The following PRH1 variants were observed in gnomAD, a reference collection of about 807,000 sequenced individuals.
The protein encoded by PRH1 is salivary acidic proline-rich phosphoprotein 1/2.
PRH1 carries 7 observed loss-of-function variants against 7.9 expected under a neutral mutation model. The ratio of observed to expected loss-of-function variants is 0.89; its 90% CI spans 0.50 to 1.67. The LOEUF (loss-of-function observed/expected upper bound fraction) is 1.67, where lower values mean the gene tolerates loss of function less well. Among genes scored for constraint, PRH1 ranks in the 40% most tolerant of loss-of-function variants. The probability of loss-of-function intolerance (pLI) is 0.00; values close to 1 mark genes in which losing one functional copy is unlikely to be tolerated. For missense variants in PRH1, 109 were observed against 223.6 expected, an observed-to-expected ratio of 0.49 and a Z score of 3.27; for synonymous variants, 45 against 80.8, an observed-to-expected ratio of 0.56 and a Z score of 2.38.
chr12:11,047,712 C>T (rs1942959091), upstream of PRH1, among the ~76,000 whole-genome samples: 2 of 143,478 alleles, frequency 1.4e-5, no homozygotes, highest in Non-Finnish European at 3.1e-5. Context: ...TATACACATA[C>T]AAAATTTACT....
chr12:11,140,538 T>C (rs117587748), intron 1 of PRH1, among the ~76,000 whole-genome samples: 3,423 of 152,226 alleles, frequency 0.022, 57 homozygotes, highest in Non-Finnish European at 0.036. Flanking sequence ...AAAGAGGAAA[T>C]CATCTCAATA....
rs71051557 is a variant in PRH1 at position 11,042,623 on chromosome 12, C to CTTTTTTTTTTTTTTTTTTTTTTTTTT, written c.-126+4396_-126+4397insAAAAAAAAAAAAAAAAAAAAAAAAAA. Among the ~76,000 whole-genome samples the CTTTTTTTTTTTTTTTTTTTTTTTTTT allele has an allele frequency of 1.1e-4, 9 of 79,312 alleles. 1 individual carries two copies. Among genetic ancestry groups the CTTTTTTTTTTTTTTTTTTTTTTTTTT allele is most frequent in the African/African-American group, 1.6e-4 (3 of 18,908 alleles). 52.0% of individuals were successfully genotyped at this position (79,312 alleles called of 152,430 possible). A position where few individuals can be genotyped will look rare whatever the true frequency, so the allele number is the denominator to read the frequency against. On this transcript the variant is annotated intron_variant, in intron 1 of 3. Coordinates refer to the PRH1 transcript ENST00000539853. ...AAGAGGGACTACTTCCAGGCTCATT[C>CTTTTTTTTTTTTTTTTTTTTTTTTTT]TTTTTTTTTTTTTTTTTTTTTTTTG... is the stretch of plus-strand genomic sequence containing the variant.
intron 1 of PRH1, among the ~76,000 whole-genome samples, chr12:11,160,053 T>C (rs891316041): frequency 6.6e-6 from 1 of 152,206 alleles, no homozygotes; most frequent in Non-Finnish European, 1.5e-5. Flanking sequence ...AAGTCGAGTA[T>C]GTAAACATGC....
chr12:10,964,940 A>C (rs1041257512), intron 2 of PRH1: 1 of 611,398 alleles, frequency 1.6e-6, no homozygotes, highest in African/African-American at 1.9e-5. Context: ...AACCAAAAAT[A>C]ACAAAGACCC....
At chr12:10,930,703 G>A (rs774818644) in intron 2 of PRH1, 1 of 1,613,690 alleles carries the variant, frequency 6.2e-7, no homozygotes, top group Non-Finnish European at 8.5e-7. Context: ...GGAGCGTCAG[G>A]GACCACCTTT....
intron 1 of PRH1, among the ~76,000 whole-genome samples, chr12:11,136,735 A>G (rs1396752349): frequency 6.6e-6 from 1 of 152,154 alleles, no homozygotes; most frequent in Non-Finnish European, 1.5e-5. Context: ...TATTTTCAAT[A>G]AGTCTCTTTA....
At position 11,022,322 on chromosome 12, in the gene PRH1, C is replaced by T. The variant is rs769247689; in HGVS notation, c.-126+24698G>A. 3.8e-6 allele frequency: 6 copies of T among 1,582,670 alleles called. No individual in the cohort carries two copies. In the African/African-American group the frequency reaches 7.2e-5, roughly 19 times the overall value. On this transcript the variant is annotated intron_variant, in intron 1 of 3. Coordinates refer to the PRH1 transcript ENST00000539853. ...TTCGTTACAGCCCAGGCATTAGAAG[C>T]AACAATTCTTACTTCTAAACCATAT...
intron 1 of PRH1, among the ~76,000 whole-genome samples, chr12:11,019,831 T>G (rs1209326930): frequency 6.6e-6 from 1 of 152,292 alleles, no homozygotes; most frequent in Non-Finnish European, 1.5e-5. Flanking sequence ...AAAACAAAAG[T>G]GTGTTTGGCA....
chr12:10,886,629 C>T (rs1949496268), upstream of PRH1, among the ~76,000 whole-genome samples: 1 of 152,174 alleles, frequency 6.6e-6, no homozygotes, highest in Non-Finnish European at 1.5e-5. Flanking sequence ...GGTGGCAGCC[C>T]TCAGCACCAC....
At chr12:11,171,205 G>T in intron 1 of PRH1, 2 of 428,638 alleles carry the variant, frequency 4.7e-6, no homozygotes, top group Non-Finnish European at 7.9e-6. Flanking sequence ...GCTACGCGCC[G>T]CACTGCACCG....
intron 1 of PRH1, chr12:11,061,316 T>A: frequency 2.0e-6 from 3 of 1,517,862 alleles, no homozygotes; most frequent in East Asian, 4.5e-5. Flanking sequence ...ATGCTTCATA[T>A]AACACGTTTG....
At chr12:11,022,464 A>G (rs759108114) in intron 1 of PRH1, 1 of 1,613,878 alleles carries the variant, frequency 6.2e-7, no homozygotes, top group South Asian at 1.1e-5. Context: ...TTCGTGTGTT[A>G]ACCCAGTCAA....
chr12:11,049,911 CA>C (rs1269737230), upstream of PRH1, among the ~76,000 whole-genome samples: 3 of 152,152 alleles, frequency 2.0e-5, no homozygotes, highest in African/African-American at 7.2e-5. Flanking sequence ...AATACATAGA[CA>C]CACATGCACT....
At chr12:11,030,755 C>A (rs1369450158) in intron 1 of PRH1, 1 of 1,589,796 alleles carries the variant, frequency 6.3e-7, no homozygotes, top group South Asian at 1.1e-5. Flanking sequence ...CAGCAAAAAA[C>A]ATAGCAGGGT....
At chr12:11,022,007 TAA>T in intron 1 of PRH1, 1 of 1,582,158 alleles carries the variant, frequency 6.3e-7, no homozygotes, top group Non-Finnish European at 8.6e-7. Flanking sequence ...AGGCTCAGAG[TAA>T]AGGGTATGAG....
At chr12:11,008,460 A>G (rs1049297758) in intron 1 of PRH1, among the ~76,000 whole-genome samples, 1 of 152,064 alleles carries the variant, frequency 6.6e-6, no homozygotes, top group Non-Finnish European at 1.5e-5. Flanking sequence ...TTCCACCTCC[A>G]TGACACTTTC....
intron 1 of PRH1, among the ~76,000 whole-genome samples, chr12:11,068,426 A>G (rs1299643418): frequency 6.6e-6 from 1 of 152,104 alleles, no homozygotes; most frequent in Non-Finnish European, 1.5e-5. Flanking sequence ...TCTTTGTTGT[A>G]TTATTCTGTT....
chr12:11,070,351 G>A (rs11531979), intron 1 of PRH1, among the ~76,000 whole-genome samples: 62,215 of 142,796 alleles, frequency 0.44, 14,532 homozygotes, highest in Non-Finnish European at 0.51. Context: ...CACTGCGCAT[G>A]CTCACCTCCA....
chr12:10,997,441 C>T (rs1940332591), intron 1 of PRH1: 1 of 1,613,708 alleles, frequency 6.2e-7, no homozygotes, highest in African/African-American at 1.3e-5. Context: ...TGTGTTTCAT[C>T]ACAAGGTGAC....
Sources: allele counts gnomAD v4.1 joint callset (sites outside exome capture counted in the v4.1 genomes callset), GRCh38; gene constraint gnomAD v4.1.1; transcripts MANE v1.5; gene names NCBI Gene and HGNC (gene_info 2026-07-23, HGNC 2026-07-21).